Variants in BACH2 observed in about 807,000 individuals in gnomAD.
BACH2 encodes the protein BACH transcriptional regulator 2.
A neutral mutation model predicts 61.8 loss-of-function variants in BACH2; 5 were observed. The ratio of observed to expected loss-of-function variants is 0.08; its 90% CI spans 0.04 to 0.17. The LOEUF is 0.17. Among genes scored for constraint, BACH2 ranks in the 10% least tolerant of loss-of-function variants. BACH2 has a pLI of 1.00. For synonymous variants in BACH2, 446 were observed against 440.1 expected (o/e 1.01, Z -0.17); for missense variants, 824 against 1,091.1 (o/e 0.76, Z 3.45).
At chr6:90,111,971 AAT>A (rs2127816363) in intron 4 of BACH2, among the ~76,000 whole-genome samples, 1 of 152,350 alleles carries the variant, frequency 6.6e-6, no homozygotes, top group Non-Finnish European at 1.5e-5. Context: ...CATACTGCAA[AAT>A]ATACACATGT....
At chr6:90,053,136 TC>T (rs1780138324) in intron 5 of BACH2, among the ~76,000 whole-genome samples, 1 of 152,208 alleles carries the variant, frequency 6.6e-6, no homozygotes, top group South Asian at 2.1e-4. Flanking sequence ...ATTATCTCCT[TC>T]CTCATATATA....
chr6:90,149,042 G>A (rs1784720320), intron 4 of BACH2, among the ~76,000 whole-genome samples: 1 of 152,180 alleles, frequency 6.6e-6, no homozygotes. Context: ...GGCAGAACAA[G>A]AGAGGGACAC....
At chr6:90,191,999 G>A (rs189899821) in intron 4 of BACH2, among the ~76,000 whole-genome samples, 1 of 152,308 alleles carries the variant, frequency 6.6e-6, no homozygotes, top group Admixed American at 6.5e-5. Context: ...CTTTGCTACA[G>A]TACAACTGTC....
At chr6:90,089,876 A>G (rs531239348) in intron 4 of BACH2, among the ~76,000 whole-genome samples, 6 of 152,276 alleles carry the variant, frequency 3.9e-5, no homozygotes, top group African/African-American at 1.2e-4. Flanking sequence ...TAAACATTAA[A>G]TATTTGTGCA....
intron 6 of BACH2, among the ~76,000 whole-genome samples, chr6:89,958,649 G>T (rs368319289): frequency 2.6e-5 from 4 of 152,228 alleles, no homozygotes; most frequent in African/African-American, 9.6e-5. Flanking sequence ...ACCTGAGTAC[G>T]TAACAGAGGT....
intron 6 of BACH2, among the ~76,000 whole-genome samples, chr6:89,965,167 A>G (rs1774988017): frequency 6.6e-6 from 1 of 152,214 alleles, no homozygotes; most frequent in Non-Finnish European, 1.5e-5. Flanking sequence ...GATTACAGGC[A>G]TAAGCCACAG....
intron 7 of BACH2, among the ~76,000 whole-genome samples, chr6:89,940,274 T>C (rs1261393019): frequency 6.6e-6 from 1 of 152,226 alleles, no homozygotes; most frequent in Non-Finnish European, 1.5e-5. Flanking sequence ...CCTCCCAAAA[T>C]GCTGGGCTTA....
intron 4 of BACH2, among the ~76,000 whole-genome samples, chr6:90,202,810 A>G (rs12196044): frequency 0.43 from 65,987 of 151,992 alleles, 16,041 homozygotes; most frequent in South Asian, 0.56. Flanking sequence ...CTTTCAAGAG[A>G]AGAACAACAC....
chr6:90,013,369 C>T (rs970758884), intron 5 of BACH2, among the ~76,000 whole-genome samples: 4 of 152,140 alleles, frequency 2.6e-5, no homozygotes, highest in Non-Finnish European at 5.9e-5. Flanking sequence ...TTCAACCATT[C>T]ACCATTTTGT....
At chr6:90,209,939 T>G (rs1562505899) in intron 3 of BACH2, among the ~76,000 whole-genome samples, 1 of 152,272 alleles carries the variant, frequency 6.6e-6, no homozygotes, top group Non-Finnish European at 1.5e-5. Context: ...TACAGACTCT[T>G]AAGTGTGGGG....
intron 5 of BACH2, among the ~76,000 whole-genome samples, chr6:90,087,828 G>A (rs893904534): frequency 7.2e-5 from 11 of 151,934 alleles, no homozygotes; most frequent in Non-Finnish European, 1.2e-4. Flanking sequence ...AAATGAGCAC[G>A]TCATGGAGAA....
intron 6 of BACH2, among the ~76,000 whole-genome samples, chr6:89,981,744 A>G (rs1294805312): frequency 2.0e-5 from 3 of 152,236 alleles, no homozygotes; most frequent in Non-Finnish European, 2.9e-5. Flanking sequence ...GGGGAACAGC[A>G]TGAGAAGTTG....
intron 6 of BACH2, among the ~76,000 whole-genome samples, chr6:90,006,537 G>C (rs1197479480): frequency 6.6e-6 from 1 of 152,198 alleles, no homozygotes; most frequent in African/African-American, 2.4e-5. Flanking sequence ...GTGGTATGTG[G>C]AGTGGTAATG....
chr6:90,044,919 T>C (rs1277307840), intron 5 of BACH2, among the ~76,000 whole-genome samples: 1 of 152,146 alleles, frequency 6.6e-6, no homozygotes, highest in Non-Finnish European at 1.5e-5. Flanking sequence ...TAGACAGCCC[T>C]GTGGAGGTAA....
chr6:90,057,611 C>G (rs1396648986), intron 5 of BACH2, among the ~76,000 whole-genome samples: 1 of 152,166 alleles, frequency 6.6e-6, no homozygotes, highest in Non-Finnish European at 1.5e-5. Context: ...GGAATCCTCC[C>G]TAACTCATTT....
intron 4 of BACH2, among the ~76,000 whole-genome samples, chr6:90,106,536 A>G (rs1393183571): frequency 6.6e-6 from 1 of 152,192 alleles, no homozygotes; most frequent in Non-Finnish European, 1.5e-5. Context: ...AGGCTATACC[A>G]TCTAGGTTTG....
chr6:89,953,038 C>A (rs185543445), intron 6 of BACH2: 1 of 152,284 alleles, frequency 6.6e-6, no homozygotes, highest in African/African-American at 2.4e-5. Flanking sequence ...ATCATGGGGT[C>A]CTTGCTAGAG....
chr6:89,964,783 A>C (rs961787096), intron 6 of BACH2, among the ~76,000 whole-genome samples: 1 of 144,004 alleles, frequency 6.9e-6, no homozygotes, highest in Non-Finnish European at 1.6e-5. Flanking sequence ...AGGACCCATA[A>C]ACTCCTACAA....
intron 4 of BACH2, among the ~76,000 whole-genome samples, chr6:90,200,891 C>G (rs932700423): frequency 6.6e-6 from 1 of 152,060 alleles, no homozygotes; most frequent in Non-Finnish European, 1.5e-5. Context: ...TTAAGAAAAT[C>G]TAGAACATAC....
Sources: gnomAD v4.1 joint callset for allele counts (sites outside exome capture counted in the v4.1 genomes callset) on GRCh38, gnomAD v4.1.1 for gene constraint, MANE v1.5 for transcripts, NCBI Gene and HGNC (gene_info 2026-07-23, HGNC 2026-07-21) for gene names.